Variants in COL4A1 observed in about 807,000 individuals in gnomAD.
COL4A1 encodes collagen type IV alpha 1 chain.
In COL4A1, 40 loss-of-function variants were observed where a neutral mutation model predicts 216.6. The observed-to-expected ratio is 0.18, with a 90% confidence interval of 0.14 to 0.24. The LOEUF (loss-of-function observed/expected upper bound fraction) is 0.24, where lower values mean the gene tolerates loss of function less well. Ranked by LOEUF, COL4A1 falls within the 10% of genes least tolerant of loss-of-function variation. COL4A1 has a pLI of 1.00. For missense variants in COL4A1, 1,628 were observed against 2,196.8 expected, an observed-to-expected ratio of 0.74 and a Z score of 5.18; for synonymous variants, 839 against 810.7, an observed-to-expected ratio of 1.03 and a Z score of -0.59.
At chr13:110,301,433 C>T (rs938917811) in intron 1 of COL4A1, among the ~76,000 whole-genome samples, 4 of 152,234 alleles carry the variant, frequency 2.6e-5, no homozygotes, top group Non-Finnish European at 1.5e-5. Flanking sequence ...GCAGCAACCA[C>T]AACCAGCACC....
At position 110,149,225 on chromosome 13, in the gene COL4A1, G is replaced by C. The variant is rs1422233104; in HGVS notation, c.*1138C>G. On this transcript the variant is annotated 3_prime_UTR_variant, in exon 52 of 52. Coordinates refer to ENST00000375820, the MANE Select transcript of COL4A1 (RefSeq NM_001845.6). Reference sequence around the variant, plus strand: ...TCTGCCCTCCTGCGGTCCATGCGATGCCCTGCTGAGGTCTGTGAACACAGC... The same window carrying C: ...TCTGCCCTCCTGCGGTCCATGCGATCCCCTGCTGAGGTCTGTGAACACAGC... 1 of 154,780 alleles carries C rather than the reference G, an allele frequency of 6.5e-6. No homozygotes were observed. The allele number at this position is 154,780 out of a possible 1,614,324, so 9.6% of individuals were successfully genotyped here. A position where few individuals can be genotyped will look rare whatever the true frequency, so the allele number is the denominator to read the frequency against.
chr13:110,250,980 G>A (rs951364820), intron 1 of COL4A1, among the ~76,000 whole-genome samples: 12 of 152,160 alleles, frequency 7.9e-5, no homozygotes, highest in African/African-American at 1.2e-4. Flanking sequence ...TACTCTTCCC[G>A]GTTCCCCGGA....
At chr13:110,161,427 A>G in intron 48 of COL4A1, 58 bp from the exon 49 acceptor site, 2 of 1,542,850 alleles carry the variant, frequency 1.3e-6, no homozygotes, top group Non-Finnish European at 1.8e-6. Flanking sequence ...ATCTATCTCT[A>G]TGTAAAGTGG....
chr13:110,165,067 C>T (rs1185065086), intron 45 of COL4A1, 77 bp from the exon 46 acceptor site: 13 of 1,557,536 alleles, frequency 8.3e-6, no homozygotes, highest in Admixed American at 3.9e-5. Context: ...AGGAGAATCC[C>T]GGGTGAAGCT....
intron 2 of COL4A1, among the ~76,000 whole-genome samples, chr13:110,219,134 C>T (rs1880249418): frequency 6.6e-6 from 1 of 152,148 alleles, no homozygotes; most frequent in African/African-American, 2.4e-5. Flanking sequence ...GGAGCTCCCT[C>T]CACACCATGA....
chr13:110,257,442 G>A (rs939849674), intron 1 of COL4A1, among the ~76,000 whole-genome samples: 2 of 152,310 alleles, frequency 1.3e-5, no homozygotes, highest in East Asian at 1.9e-4. Flanking sequence ...TCTGCAAACC[G>A]TAAGTGCTAC....
chr13:110,184,389 G>A (rs1431209875), intron 26 of COL4A1, among the ~76,000 whole-genome samples: 1 of 152,164 alleles, frequency 6.6e-6, no homozygotes, highest in East Asian at 1.9e-4. Flanking sequence ...TGTTGATTGT[G>A]GAATCAAGAG....
chr13:110,275,632 C>T (rs1883399560), intron 1 of COL4A1, among the ~76,000 whole-genome samples: 1 of 152,192 alleles, frequency 6.6e-6, no homozygotes, highest in African/African-American at 2.4e-5. Flanking sequence ...TAACTGCCAA[C>T]GCTCGGGGGC....
At chr13:110,181,132 T>C (rs1384993496) in intron 29 of COL4A1, among the ~76,000 whole-genome samples, 160 bp downstream of exon 29, 1 of 152,254 alleles carries the variant, frequency 6.6e-6, no homozygotes, top group Non-Finnish European at 1.5e-5. Context: ...CTTACTTCCA[T>C]GTGCTACGTT....
intron 1 of COL4A1, among the ~76,000 whole-genome samples, chr13:110,293,726 C>T (rs574396238): frequency 2.6e-5 from 4 of 152,154 alleles, no homozygotes; most frequent in South Asian, 2.1e-4. Flanking sequence ...TATTTTCCAC[C>T]AAAAAGGCTC....
chr13:110,191,727 A>G (rs778917022), intron 24 of COL4A1: 215 of 649,462 alleles, frequency 3.3e-4, no homozygotes, highest in Non-Finnish European at 5.3e-4. Context: ...CTCAGAGGCA[A>G]ACAGATCTGC....
intron 13 of COL4A1, 76 bp from the exon 14 acceptor site, chr13:110,206,967 C>CA: frequency 6.6e-6 from 9 of 1,354,886 alleles, no homozygotes; most frequent in Admixed American, 6.5e-5. Context: ...AAACACACAG[C>CA]AGAAAAAAAA....
At chr13:110,231,743 C>T (rs114723504) in intron 2 of COL4A1, among the ~76,000 whole-genome samples, 1,927 of 152,234 alleles carry the variant, frequency 0.013, 44 homozygotes, top group African/African-American at 0.045. Context: ...TTTACTGGCT[C>T]TACTATAGAC....
chr13:110,252,866 A>G (rs1167111339), intron 1 of COL4A1, among the ~76,000 whole-genome samples: 4 of 110,466 alleles, frequency 3.6e-5, no homozygotes, highest in Non-Finnish European at 5.3e-5. Context: ...TATGTATTAC[A>G]TATACAGATA....
At chr13:110,305,830 A>G (rs1884676312) in intron 1 of COL4A1, 1 of 152,266 alleles carries the variant, frequency 6.6e-6, no homozygotes. Flanking sequence ...ATTTCTATAC[A>G]GTTAAGTGGA....
Position 110,211,823 on chromosome 13 carries a change from T to C in COL4A1, c.441+46A>G, listed in dbSNP as rs760060577. ...AGGAAATGGAATGAAAAGAGAGAAGTCATAACTAAAAGAAAGAAGTTCTGC... is the reference window on the plus strand; with the variant it reads ...AGGAAATGGAATGAAAAGAGAGAAGCCATAACTAAAAGAAAGAAGTTCTGC... On this transcript the variant is annotated intron_variant, in intron 7 of 51. Coordinates refer to ENST00000375820, the MANE Select transcript of COL4A1 (RefSeq NM_001845.6). The surrounding 1 kb of genome is among the most constrained non-coding windows in gnomAD (Gnocchi z 4.3). The C allele has an allele frequency of 8.1e-6, 13 of 1,599,892 alleles. No individual in the cohort carries two copies. In the Admixed American group the frequency reaches 2.0e-4, roughly 25 times the overall value.
At chr13:110,186,351 C>T in intron 26 of COL4A1, 34 bp downstream of exon 26, 1 of 1,611,606 alleles carries the variant, frequency 6.2e-7, no homozygotes, top group African/African-American at 1.3e-5. Context: ...CCGTTTACAA[C>T]TTCATGCTGC....
chr13:110,169,891 T>C (rs910419640), intron 42 of COL4A1, 129 bp from the exon 43 acceptor site: 12 of 1,256,876 alleles, frequency 9.5e-6, no homozygotes, highest in Non-Finnish European at 1.3e-5. Context: ...TGACAACCCT[T>C]GAGACAGAAA....
chr13:110,283,270 A>G (rs1209014078), intron 1 of COL4A1, among the ~76,000 whole-genome samples: 4 of 152,272 alleles, frequency 2.6e-5, no homozygotes, highest in Admixed American at 6.5e-5. Context: ...TCAAGAAAAT[A>G]AAGAATAATG....
Sources: allele counts gnomAD v4.1 joint callset (sites outside exome capture counted in the v4.1 genomes callset), GRCh38; gene constraint gnomAD v4.1.1; non-coding constraint Gnocchi (gnomAD v3.1); transcripts MANE v1.5; gene names NCBI Gene and HGNC (gene_info 2026-07-23, HGNC 2026-07-21).